The following ZNHIT6 variants were observed in gnomAD, a reference collection of about 807,000 sequenced individuals.
ZNHIT6 encodes box C/D snoRNA protein 1.
Under a neutral mutation model 57.2 loss-of-function variants are expected in ZNHIT6, and 45 were observed. The observed-to-expected ratio is 0.79, with a 90% CI of 0.62 to 1.01. ZNHIT6 has a LOEUF of 1.01. Ranked by LOEUF, ZNHIT6 falls within the 50% of genes least tolerant of loss-of-function variation. The pLI, the probability that ZNHIT6 is intolerant of heterozygous loss-of-function variation, is 0.00. For missense variants in ZNHIT6, 528 were observed against 567.3 expected (o/e 0.93, Z 0.70); for synonymous variants, 188 against 190.0 (o/e 0.99, Z 0.09).
chr1:85,707,612 A>G lies in ZNHIT6; in HGVS notation c.656+17T>C. 6.5e-7 allele frequency: 1 copy of G among 1,529,438 alleles called. No homozygotes were observed. The highest frequency in any genetic ancestry group is 1.3e-5 in the South Asian group (1 of 74,412). 94.7% of individuals were successfully genotyped at this position (1,529,438 alleles called of 1,614,324 possible). On this transcript the variant is annotated intron_variant, in intron 1 of 9. Coordinates refer to ENST00000370574, the MANE Select transcript of ZNHIT6 (RefSeq NM_017953.4). Reference sequence around the variant, plus strand: ...TCCACAGCTTTATTCCCCTAAATGGAATCCCCCATGCCCTACCTTGACATG... The same window carrying G: ...TCCACAGCTTTATTCCCCTAAATGGGATCCCCCATGCCCTACCTTGACATG...
At chr1:85,677,183 T>G (rs1661725952) in intron 8 of ZNHIT6, 53 bp downstream of exon 8, 10 of 1,375,870 alleles carry the variant, frequency 7.3e-6, no homozygotes, top group Non-Finnish European at 1.0e-5. Context: ...GCTACTTAAT[T>G]ATATTACAGA....
chr1:85,660,671 A>G (rs2100649508), intron 8 of ZNHIT6, among the ~76,000 whole-genome samples: 1 of 152,282 alleles, frequency 6.6e-6, no homozygotes, highest in South Asian at 2.1e-4. Flanking sequence ...TGAAACTGTA[A>G]TGATTACACT....
rs1159475397 is a variant in ZNHIT6 at position 85,649,707 on chromosome 1, G to C, written c.*4351C>G. 1 of 152,036 alleles carries C rather than the reference G, an allele frequency of 6.6e-6. No homozygotes were observed. The highest frequency in any genetic ancestry group is 6.6e-5 in the Admixed American group (1 of 15,256). 9.4% of individuals were successfully genotyped at this position (152,036 alleles called of 1,614,324 possible). A position where few individuals can be genotyped will look rare whatever the true frequency, so the allele number is the denominator to read the frequency against. ...TATTTAAGTAGTCTTCATTTTTGAA[G>C]CATTTTCCCCTAGTACTCTAATTTC... On this transcript the variant is annotated 3_prime_UTR_variant, in exon 10 of 10. Transcript: ENST00000370574.
At chr1:85,674,079 C>T (rs767235624) in intron 8 of ZNHIT6, among the ~76,000 whole-genome samples, 2 of 152,138 alleles carry the variant, frequency 1.3e-5, no homozygotes, top group Non-Finnish European at 1.5e-5. Flanking sequence ...ATTATTATTG[C>T]TGTCAAATGA....
chr1:85,650,051 C>T lies in ZNHIT6; in HGVS notation c.*4007G>A, dbSNP rs189703172. On this transcript the variant is annotated 3_prime_UTR_variant, in exon 10 of 10. Coordinates refer to ENST00000370574, the MANE Select transcript of ZNHIT6 (RefSeq NM_017953.4). ...CAATGAATGTGTTACTTTCGTATTC[C>T]CAGTAACTACCTTTCCTCACCTGCT... 1 of 152,258 alleles carries T rather than the reference C, an allele frequency of 6.6e-6. No homozygotes were observed. 9.4% of individuals were successfully genotyped at this position (152,258 alleles called of 1,614,324 possible).
At chr1:85,670,415 C>T (rs1264026291) in intron 8 of ZNHIT6, among the ~76,000 whole-genome samples, 1 of 152,078 alleles carries the variant, frequency 6.6e-6, no homozygotes, top group Non-Finnish European at 1.5e-5. Context: ...CAATACCTAG[C>T]ATACAGCAGG....
intron 5 of ZNHIT6, among the ~76,000 whole-genome samples, chr1:85,697,175 T>C (rs1056554579): frequency 1.4e-4 from 22 of 152,248 alleles, no homozygotes; most frequent in African/African-American, 5.3e-4. Context: ...CGGCCAACCA[T>C]CTATTCTTAT....
chr1:85,673,895 C>G (rs1196265292), intron 8 of ZNHIT6, among the ~76,000 whole-genome samples: 2 of 152,136 alleles, frequency 1.3e-5, no homozygotes, highest in African/African-American at 4.8e-5. Flanking sequence ...AAATATATCT[C>G]TATACTATCT....
At chr1:85,662,714 T>C (rs1021504154) in intron 8 of ZNHIT6, among the ~76,000 whole-genome samples, 4 of 152,286 alleles carry the variant, frequency 2.6e-5, no homozygotes, top group African/African-American at 9.6e-5. Context: ...TTGATGCACT[T>C]TGTTTTGGGA....
chr1:85,687,306 A>AAAAAAAAAAAAAAAAAAT (rs1662087816), intron 5 of ZNHIT6, among the ~76,000 whole-genome samples: 1 of 144,406 alleles, frequency 6.9e-6, no homozygotes, highest in Non-Finnish European at 1.5e-5. Flanking sequence ...AAACAAAAAA[A>AAAAAAAAAAAAAAAAAAT]AAAAACAATT....
At chr1:85,683,053 C>T (rs1307831307) in intron 5 of ZNHIT6, among the ~76,000 whole-genome samples, 1 of 151,782 alleles carries the variant, frequency 6.6e-6, no homozygotes, top group African/African-American at 2.4e-5. Context: ...CCCATCTCTA[C>T]AAAAAATACA....
chr1:85,669,574 G>A lies in ZNHIT6; in HGVS notation c.1247+7662C>T, dbSNP rs574514177. 2.6e-4 allele frequency among the ~76,000 whole-genome samples: 40 copies of A among 152,192 alleles called. 1 individual carries two copies. Among genetic ancestry groups the A allele is most frequent in the African/African-American group, 9.6e-4 (40 of 41,534 alleles). On this transcript the variant is annotated intron_variant, in intron 8 of 9. Transcript: ENST00000370574. ...GTGCAAGTACAACAGGATAATATGC[G>A]CATGAACAGTAAAAATTTTTGTGAT...
At chr1:85,703,044 A>G (rs1318075921) in intron 4 of ZNHIT6, among the ~76,000 whole-genome samples, 1 of 152,232 alleles carries the variant, frequency 6.6e-6, no homozygotes, top group Non-Finnish European at 1.5e-5. Flanking sequence ...GTCAGCTATC[A>G]TTGGCTAAGT....
chr1:85,686,697 T>G (rs1662048748), intron 5 of ZNHIT6, among the ~76,000 whole-genome samples: 1 of 152,154 alleles, frequency 6.6e-6, no homozygotes, highest in African/African-American at 2.4e-5. Flanking sequence ...CAATCACCAA[T>G]GTTGGGCACT....
At position 85,708,411 on chromosome 1, in the gene ZNHIT6, G is replaced by A; in HGVS notation, c.-127C>T. ...TGTGGAGCCAAGCAGCCACAAACCC[G>A]GAATAGCCTGCTTGACGCGACTGCT... On this transcript the variant is annotated 5_prime_UTR_variant, in exon 1 of 10. Coordinates refer to ENST00000370574, the MANE Select transcript of ZNHIT6 (RefSeq NM_017953.4). 1.6e-6 allele frequency: 2 copies of A among 1,213,612 alleles called. No individual in the cohort carries two copies. Among genetic ancestry groups the A allele is most frequent in the Non-Finnish European group, 1.1e-6 (1 of 886,220 alleles). 75.2% of individuals were successfully genotyped at this position (1,213,612 alleles called of 1,614,324 possible).
chr1:85,688,674 C>T (rs993759512), intron 5 of ZNHIT6, among the ~76,000 whole-genome samples: 4 of 152,154 alleles, frequency 2.6e-5, no homozygotes, highest in Non-Finnish European at 5.9e-5. Flanking sequence ...GACACAATGG[C>T]TCCAGACTGG....
At chr1:85,702,470 C>T (rs1662564411) in intron 4 of ZNHIT6, among the ~76,000 whole-genome samples, 1 of 152,182 alleles carries the variant, frequency 6.6e-6, no homozygotes, top group South Asian at 2.1e-4. Flanking sequence ...GAGATCCCAA[C>T]ATCATACAGC....
intron 4 of ZNHIT6, 36 bp downstream of exon 4, chr1:85,706,042 G>T: frequency 6.8e-7 from 1 of 1,469,808 alleles, no homozygotes; most frequent in South Asian, 1.2e-5. Flanking sequence ...TGATTTGAAG[G>T]ACTTCTAACT....
chr1:85,707,827 T>G lies in ZNHIT6; in HGVS notation c.458A>C (p.Lys153Thr). 1 of 1,614,198 alleles carries G rather than the reference T, an allele frequency of 6.2e-7. No homozygotes were observed. Among genetic ancestry groups the G allele is most frequent in the South Asian group, 1.1e-5 (1 of 91,074 alleles). ...KEEVMDWSEV[K>T]EEKDNLEIKQ... Reference sequence around the variant, plus strand: ...TATCTCCAAGTTATCCTTCTCTTCCTTCACTTCTGACCAGTCCATTACCTC... The same window carrying G: ...TATCTCCAAGTTATCCTTCTCTTCCGTCACTTCTGACCAGTCCATTACCTC... The change falls in exon 1 of 10, where the codon AAG (lysine) becomes ACG (threonine). Residue 153 changes from lysine (K) to threonine (T), a missense_variant. Lys to Thr is a moderately conservative substitution (Grantham distance 78). Coordinates refer to ENST00000370574, the MANE Select transcript of ZNHIT6 (RefSeq NM_017953.4).
Sources: allele counts gnomAD v4.1 joint callset (sites outside exome capture counted in the v4.1 genomes callset), GRCh38; gene constraint gnomAD v4.1.1; transcripts MANE v1.5; gene names NCBI Gene and HGNC (gene_info 2026-07-23, HGNC 2026-07-21).